INPP4A: variants seen among roughly 807,000 people sequenced by gnomAD.
The protein encoded by INPP4A is inositol polyphosphate-4-phosphatase, type I, 107kD.
In INPP4A, 33 loss-of-function variants were observed where a neutral mutation model predicts 119.8. The ratio of observed to expected loss-of-function variants is 0.28; its 90% CI spans 0.21 to 0.37. INPP4A has a LOEUF of 0.37. Among genes scored for constraint, INPP4A ranks in the 10% least tolerant of loss-of-function variants. The probability of loss-of-function intolerance (pLI) is 1.00; values close to 1 mark genes in which losing one functional copy is unlikely to be tolerated. For synonymous variants in INPP4A, 496 were observed against 500.7 expected, an observed-to-expected ratio of 0.99 and a Z score of 0.12; for missense variants, 956 against 1,289.9, an observed-to-expected ratio of 0.74 and a Z score of 3.97.
At chr2:98,475,792 T>C (rs960999395) in intron 1 of INPP4A, among the ~76,000 whole-genome samples, 18 of 151,948 alleles carry the variant, frequency 1.2e-4, no homozygotes, top group African/African-American at 4.4e-4. Flanking sequence ...GTACTACCCA[T>C]AGTGGGCAGG....
At chr2:98,467,188 C>T (rs1053544377) in intron 1 of INPP4A, among the ~76,000 whole-genome samples, 2 of 152,018 alleles carry the variant, frequency 1.3e-5, no homozygotes, top group South Asian at 2.1e-4. Context: ...TGGGAACCAA[C>T]GGAGTGAGAA....
At position 98,525,783 on chromosome 2, in the gene INPP4A, G is replaced by A. The variant is rs72935483; in HGVS notation, c.151+5052G>A. Among the ~76,000 whole-genome samples, 579 of 152,236 alleles carry A rather than the reference G, an allele frequency of 3.8e-3. 4 individuals are homozygous for A. Among genetic ancestry groups the A allele is most frequent in the African/African-American group, 0.013 (536 of 41,548 alleles). ...TAACAGCATAAGTCATCATGTAACC[G>A]CAAATTAAAACACATCTATTAGAAT... is the stretch of plus-strand genomic sequence containing the variant. On this transcript the variant is annotated intron_variant, in intron 4 of 24. Coordinates refer to ENST00000409851, the MANE Select transcript of INPP4A (RefSeq NM_001134225.2).
intron 10 of INPP4A, among the ~76,000 whole-genome samples, chr2:98,540,228 G>A (rs1050489204): frequency 2.0e-5 from 3 of 152,154 alleles, no homozygotes; most frequent in African/African-American, 4.8e-5. Flanking sequence ...CACCATGCCC[G>A]GCCTTCCTTC....
At chr2:98,541,391 C>A (rs1691427800) in intron 10 of INPP4A, among the ~76,000 whole-genome samples, 2 of 151,834 alleles carry the variant, frequency 1.3e-5, no homozygotes, top group African/African-American at 4.8e-5. Flanking sequence ...CTAAAATCAC[C>A]AATTGTTAAT....
At chr2:98,500,335 G>C (rs1682870054) in intron 1 of INPP4A, among the ~76,000 whole-genome samples, 1 of 152,104 alleles carries the variant, frequency 6.6e-6, no homozygotes, top group Non-Finnish European at 1.5e-5. Flanking sequence ...CTGTTTGAGG[G>C]GGGAAAATAG....
In INPP4A at chr2:98,533,350, C is replaced by G. The variant is rs112127532; in HGVS notation, c.152-27C>G. On this transcript the variant is annotated intron_variant, in intron 4 of 24. Coordinates refer to ENST00000409851, the MANE Select transcript of INPP4A (RefSeq NM_001134225.2). The stretch of plus-strand genomic sequence containing the variant: ...AATCAGAGTCTGGTTTTAAAGGATT[C>G]ATTTCTTTCCCGTGTTGATTCTGTA... 2.1e-3 allele frequency: 3,059 copies of G among 1,429,112 alleles called. 76 individuals carry two copies. The African/African-American group carries it at 0.036, about 17-fold the overall frequency. 88.5% of individuals were successfully genotyped at this position (1,429,112 alleles called of 1,614,324 possible).
intron 7 of INPP4A, 85 bp downstream of exon 7, chr2:98,536,293 G>A (rs964023997): frequency 6.2e-6 from 5 of 808,422 alleles, no homozygotes; most frequent in African/African-American, 1.7e-5. Context: ...TTCTTATACT[G>A]AGAGAGCACC....
intron 1 of INPP4A, among the ~76,000 whole-genome samples, chr2:98,450,803 G>A (rs900299879): frequency 2.0e-5 from 3 of 151,962 alleles, no homozygotes; most frequent in Non-Finnish European, 2.9e-5. Flanking sequence ...TCACTCTGTC[G>A]CCTAGGCTAG....
At chr2:98,563,239 T>C (rs1695810259) in intron 17 of INPP4A, among the ~76,000 whole-genome samples, 1 of 151,972 alleles carries the variant, frequency 6.6e-6, no homozygotes, top group Admixed American at 6.6e-5. Flanking sequence ...AGGCATGTCT[T>C]GGAGGTACCG....
At position 98,570,795 on chromosome 2, in the gene INPP4A, C is replaced by CA. The variant is rs997363640; in HGVS notation, c.2519-2019dup. 3.9e-5 allele frequency among the ~76,000 whole-genome samples: 6 copies of CA among 152,134 alleles called. No homozygotes were observed. Among genetic ancestry groups the CA allele is most frequent in the African/African-American group, 1.4e-4 (6 of 41,420 alleles). ...GAAATATGCTCAGGTTGGGCAGCCT[C>CA]AGTCTCCCCAGTAAAACAGGTGTTC... On this transcript the variant is annotated intron_variant, in intron 22 of 24. Transcript: ENST00000409851. The surrounding 1 kb of genome is among the most constrained non-coding windows in gnomAD (Gnocchi z 4.3).
rs1225891583 is a variant in INPP4A, at chr2:98,569,851, G to A, written c.2518+1183G>A. 3 of 152,378 alleles carry A rather than the reference G, an allele frequency of 2.0e-5. No homozygotes were observed. The highest frequency in any genetic ancestry group is 7.2e-5 in the African/African-American group (3 of 41,442). The allele number at this position is 152,378 out of a possible 1,614,324, so 9.4% of individuals were successfully genotyped here. A position where few individuals can be genotyped will look rare whatever the true frequency, so the allele number is the denominator to read the frequency against. On this transcript the variant is annotated intron_variant, in intron 22 of 24. Coordinates refer to ENST00000409851, the MANE Select transcript of INPP4A (RefSeq NM_001134225.2). This position sits in a 1 kb window ranked among gnomAD's most constrained non-coding sequence, Gnocchi z 5.1. ...TCACAGGTTCATCTAGCAAGAGTGT[G>A]CGGTTGGATTGGAAGAGGGGAGGCA...
At chr2:98,517,099 C>T (rs968486998) in intron 1 of INPP4A, among the ~76,000 whole-genome samples, 1 of 152,156 alleles carries the variant, frequency 6.6e-6, no homozygotes, top group East Asian at 1.9e-4. Context: ...CCTCCCCAGT[C>T]AGTACCCACC....
chr2:98,523,437 C>T (rs915351074), intron 4 of INPP4A, among the ~76,000 whole-genome samples: 2 of 151,274 alleles, frequency 1.3e-5, no homozygotes, highest in African/African-American at 2.4e-5. Flanking sequence ...CTCTGTCTCC[C>T]GGGGTGGAGT....
At chr2:98,553,000 G>A (rs1412164024) in intron 14 of INPP4A, 31 bp downstream of exon 14, 5 of 1,563,330 alleles carry the variant, frequency 3.2e-6, no homozygotes, top group Non-Finnish European at 4.3e-6. Context: ...CATATGGGCT[G>A]GGGAGTTTCC....
At chr2:98,562,153 G>C (rs1009985169) in intron 17 of INPP4A, among the ~76,000 whole-genome samples, 2 of 152,200 alleles carry the variant, frequency 1.3e-5, no homozygotes, top group African/African-American at 4.8e-5. Context: ...AGACCTGTCT[G>C]CTGTGGACTT....
At chr2:98,460,100 CGTGTGTGTGTGTGTGT>C (rs3066275) in intron 1 of INPP4A, among the ~76,000 whole-genome samples, 2 of 147,012 alleles carry the variant, frequency 1.4e-5, no homozygotes, top group African/African-American at 5.0e-5. Flanking sequence ...GTTTGGTCAT[CGTGTGTGTGTGTGTGT>C]GTGTGTGTGT....
rs1380326757 is a variant in INPP4A, at chr2:98,590,981, T to A, written c.*3373T>A. ...CTATGTTTGTGACTTCATTGGAATG[T>A]TGATCTATTTCATATAGATTGTTTT... is the stretch of plus-strand genomic sequence containing the variant. On this transcript the variant is annotated 3_prime_UTR_variant, in exon 25 of 25. Coordinates refer to ENST00000409851, the MANE Select transcript of INPP4A (RefSeq NM_001134225.2). The A allele has an allele frequency of 8.7e-6, 2 of 230,856 alleles. No individual in the cohort carries two copies. Among genetic ancestry groups the A allele is most frequent in the Non-Finnish European group, 1.7e-5 (2 of 116,688 alleles). 14.3% of individuals were successfully genotyped at this position (230,856 alleles called of 1,614,324 possible). A position where few individuals can be genotyped will look rare whatever the true frequency, so the allele number is the denominator to read the frequency against.
chr2:98,487,498 C>G lies in INPP4A; in HGVS notation c.-165-31466C>G, dbSNP rs553081807. The stretch of plus-strand genomic sequence containing the variant: ...TAGCCTGCCTCAGCCTCCCAAAGTG[C>G]TGGGATTTCAGGCGTGAGCCACCAT... On this transcript the variant is annotated intron_variant, in intron 1 of 24. Coordinates refer to ENST00000409851, the MANE Select transcript of INPP4A (RefSeq NM_001134225.2). Among the ~76,000 whole-genome samples, 76 of 152,320 alleles carry G rather than the reference C, an allele frequency of 5.0e-4. 1 individual carries two copies. The highest frequency in any genetic ancestry group is 9.3e-4 in the Non-Finnish European group (63 of 68,030).
chr2:98,511,473 G>T (rs1685108690), intron 1 of INPP4A, among the ~76,000 whole-genome samples: 1 of 152,198 alleles, frequency 6.6e-6, no homozygotes, highest in Non-Finnish European at 1.5e-5. Flanking sequence ...ACCCTCTCCT[G>T]CCCTGTGCAG....
Sources: gnomAD v4.1 joint callset for allele counts (sites outside exome capture counted in the v4.1 genomes callset) on GRCh38, gnomAD v4.1.1 for gene constraint, Gnocchi (gnomAD v3.1) non-coding constraint, MANE v1.5 for transcripts, NCBI Gene and HGNC (gene_info 2026-07-23, HGNC 2026-07-21) for gene names.